PSME4: variants seen among roughly 807,000 people sequenced by gnomAD.
The protein encoded by PSME4 is proteasome activator complex subunit 4.
Under a neutral mutation model 253.9 loss-of-function variants are expected in PSME4, and 89 were observed. That is an observed-to-expected ratio of 0.35 (90% CI 0.30 to 0.42). The LOEUF is 0.42. Among genes scored for constraint, PSME4 ranks in the 10% least tolerant of loss-of-function variants. PSME4 has a pLI of 1.00. For synonymous variants in PSME4, 851 were observed against 759.2 expected, an observed-to-expected ratio of 1.12 and a Z score of -1.99; for missense variants, 2,014 against 2,195.2, an observed-to-expected ratio of 0.92 and a Z score of 1.65.
intron 41 of PSME4, among the ~76,000 whole-genome samples, chr2:53,883,775 C>G (rs2104420540): frequency 6.6e-6 from 1 of 151,978 alleles, no homozygotes; most frequent in East Asian, 1.9e-4. Context: ...ACACCCATTC[C>G]CTTGATGATC....
intron 3 of PSME4, among the ~76,000 whole-genome samples, chr2:53,944,010 C>T (rs567521167): frequency 6.6e-5 from 10 of 152,186 alleles, no homozygotes; most frequent in African/African-American, 2.4e-4. Context: ...AAAGAGCATA[C>T]ATAATTGTTT....
chr2:53,895,881 A>T, intron 32 of PSME4, 145 bp from the exon 33 acceptor site: 1 of 679,120 alleles, frequency 1.5e-6, no homozygotes, highest in Non-Finnish European at 2.3e-6. Flanking sequence ...TATATGAGCA[A>T]TTGGAGGCAC....
At chr2:53,877,140 T>G (rs1326603629) in intron 41 of PSME4, among the ~76,000 whole-genome samples, 2 of 151,820 alleles carry the variant, frequency 1.3e-5, no homozygotes, top group South Asian at 2.1e-4. Flanking sequence ...CCCTTGCACA[T>G]TCAGTAGGGG....
At chr2:53,890,921 G>C (rs1304210397) in intron 36 of PSME4, among the ~76,000 whole-genome samples, 1 of 152,132 alleles carries the variant, frequency 6.6e-6, no homozygotes, top group Non-Finnish European at 1.5e-5. Context: ...CAACTACTCG[G>C]GAGGCTGAGG....
rs1223931718 is a variant in PSME4, at chr2:53,867,501, G to GA, written c.5264-622_5264-621insT. Reference sequence around the variant, plus strand: ...GATACAGAGTGAGGCTCCGTCTCAAGGAAAAAAAAAAAAAAAAAAAAGCTA... The same window carrying GA: ...GATACAGAGTGAGGCTCCGTCTCAAGAGAAAAAAAAAAAAAAAAAAAAGCTA... On this transcript the variant is annotated intron_variant, in intron 44 of 46. Transcript: ENST00000404125. Among the ~76,000 whole-genome samples the GA allele has an allele frequency of 4.5e-3, 512 of 113,406 alleles. 13 individuals are homozygous for GA. The highest frequency in any genetic ancestry group is 0.014 in the African/African-American group (419 of 29,704). 74.4% of individuals were successfully genotyped at this position (113,406 alleles called of 152,430 possible).
At chr2:53,933,918 C>T (rs1432881809) in intron 8 of PSME4, among the ~76,000 whole-genome samples, 1 of 152,004 alleles carries the variant, frequency 6.6e-6, no homozygotes, top group Admixed American at 6.6e-5. Flanking sequence ...CAAGGGGGGG[C>T]TTAAATTTGT....
chr2:53,930,387 C>T (rs1469774961), intron 10 of PSME4, among the ~76,000 whole-genome samples: 1 of 152,178 alleles, frequency 6.6e-6, no homozygotes, highest in African/African-American at 2.4e-5. Flanking sequence ...CAGATGAAGT[C>T]CCTCCTCTCC....
chr2:53,944,928 T>C (rs1669633383), intron 3 of PSME4, among the ~76,000 whole-genome samples: 1 of 151,896 alleles, frequency 6.6e-6, no homozygotes, highest in South Asian at 2.1e-4. Flanking sequence ...AAAATGAAAA[T>C]ATAATACTAT....
intron 41 of PSME4, among the ~76,000 whole-genome samples, chr2:53,879,934 A>G (rs1307942903): frequency 1.3e-5 from 2 of 152,186 alleles, no homozygotes; most frequent in African/African-American, 4.8e-5. Context: ...ATTTAATTCA[A>G]TTCCAGTAGG....
At position 53,900,021 on chromosome 2, in the gene PSME4, G is replaced by C. The variant is rs891797637; in HGVS notation, c.3286-4C>G. 3 of 1,604,794 alleles carry C rather than the reference G, an allele frequency of 1.9e-6. No homozygotes were observed. The highest frequency in any genetic ancestry group is 1.7e-6 in the Non-Finnish European group (2 of 1,177,322). On this transcript the variant is annotated splice_region_variant and splice_polypyrimidine_tract_variant and intron_variant, in intron 28 of 46. Transcript: ENST00000404125. ...TTTCAACACATGACTTTGGAATCTT[G>C]TTAAAAAGAAAAAAGCAGGAAAAAA...
At chr2:53,905,147 T>G (rs1217951486) in intron 26 of PSME4, among the ~76,000 whole-genome samples, 2 of 151,124 alleles carry the variant, frequency 1.3e-5, no homozygotes, top group African/African-American at 2.4e-5. Context: ...TCTCCTGCCT[T>G]AGCCTCCGTG....
intron 20 of PSME4, among the ~76,000 whole-genome samples, chr2:53,911,579 G>T (rs1297614599): frequency 1.3e-5 from 2 of 152,080 alleles, no homozygotes; most frequent in South Asian, 2.1e-4. Context: ...GCACAAGAGA[G>T]TTCCCACCCT....
chr2:53,873,037 G>A (rs1265944796), intron 43 of PSME4, among the ~76,000 whole-genome samples: 1 of 151,648 alleles, frequency 6.6e-6, no homozygotes, highest in Non-Finnish European at 1.5e-5. Flanking sequence ...TCAGGAGATC[G>A]AGACCATCCT....
Position 53,916,186 on chromosome 2 carries a change from G to T in PSME4, c.2516+2965C>A, listed in dbSNP as rs556229023. 2.8e-5 allele frequency among the ~76,000 whole-genome samples: 4 copies of T among 143,790 alleles called. 1 individual carries two copies. Among genetic ancestry groups the T allele is most frequent in the African/African-American group, 1.0e-4 (4 of 38,798 alleles). 94.3% of individuals were successfully genotyped at this position (143,790 alleles called of 152,430 possible). ...TGCTTGAACCCAGGAGGTGGAGGTC[G>T]CAGTGAGCTGAGATCCCACCACTAC... On this transcript the variant is annotated intron_variant, in intron 20 of 46. Transcript: ENST00000404125.
Position 53,970,929 on chromosome 2 carries a change from C to T in PSME4, c.-145G>A. 3.1e-6 allele frequency: 2 copies of T among 639,854 alleles called. No individual in the cohort carries two copies. The highest frequency in any genetic ancestry group is 4.8e-6 in the Non-Finnish European group (2 of 413,800). 39.6% of individuals were successfully genotyped at this position (639,854 alleles called of 1,614,324 possible). On this transcript the variant is annotated 5_prime_UTR_variant, in exon 1 of 47. Coordinates refer to ENST00000404125, the MANE Select transcript of PSME4 (RefSeq NM_014614.3). ...TCGGACCGATCGCTAGGCCCCCTTC[C>T]CTGGCCGGCGTGCTGCTGGGCCCCA...
chr2:53,929,097 C>T (rs1038443821), intron 10 of PSME4, among the ~76,000 whole-genome samples: 28 of 151,724 alleles, frequency 1.8e-4, no homozygotes, highest in African/African-American at 6.3e-4. Context: ...ACCTGGGAGG[C>T]GGAGGTTCCA....
At chr2:53,869,879 G>C (rs1256139920) in intron 43 of PSME4, 2 of 162,684 alleles carry the variant, frequency 1.2e-5, no homozygotes, top group Non-Finnish European at 1.3e-5. Context: ...AGTTTTTCCA[G>C]ACTCTACATC....
At chr2:53,937,365 A>C in intron 5 of PSME4, 26 bp downstream of exon 5, 1 of 1,507,354 alleles carries the variant, frequency 6.6e-7, no homozygotes, top group African/African-American at 1.4e-5. Flanking sequence ...TATTTTTAGA[A>C]TTTGTCAAGA....
chr2:53,948,636 T>A (rs1248473194), intron 2 of PSME4, 99 bp from the exon 3 acceptor site: 3 of 782,686 alleles, frequency 3.8e-6, no homozygotes, highest in Non-Finnish European at 6.4e-6. Flanking sequence ...TTGCTGCTCA[T>A]CACCATGGGT....
Sources: allele counts gnomAD v4.1 joint callset (sites outside exome capture counted in the v4.1 genomes callset), GRCh38; gene constraint gnomAD v4.1.1; transcripts MANE v1.5; gene names NCBI Gene and HGNC (gene_info 2026-07-23, HGNC 2026-07-21).